EHBP1: variants seen among roughly 807,000 people sequenced by gnomAD.
EHBP1 encodes EH domain binding protein 1.
Under a neutral mutation model 144.0 loss-of-function variants are expected in EHBP1, and 55 were observed. That is an observed-to-expected ratio of 0.38 (90% CI 0.31 to 0.48). EHBP1 has a LOEUF of 0.48. Ranked by LOEUF, EHBP1 falls within the 20% of genes least tolerant of loss-of-function variation. EHBP1 has a pLI of 0.98. For missense variants in EHBP1, 1,200 were observed against 1,364.2 expected (o/e 0.88, Z 1.90); for synonymous variants, 469 against 472.7 (o/e 0.99, Z 0.10).
intron 19 of EHBP1, among the ~76,000 whole-genome samples, chr2:63,004,688 T>C (rs2059968911): frequency 6.6e-6 from 1 of 152,130 alleles, no homozygotes; most frequent in African/African-American, 2.4e-5. Flanking sequence ...AATTTGTAAT[T>C]TTAGCATACA....
chr2:62,792,346 A>G (rs1024259733), intron 5 of EHBP1, among the ~76,000 whole-genome samples: 1 of 152,034 alleles, frequency 6.6e-6, no homozygotes, highest in Admixed American at 6.6e-5. Context: ...CTTTTTAAAT[A>G]GCTGCTTCTT....
intron 2 of EHBP1, among the ~76,000 whole-genome samples, chr2:62,742,567 TG>T (rs754150994): frequency 6.6e-6 from 1 of 152,132 alleles, no homozygotes; most frequent in Non-Finnish European, 1.5e-5. Flanking sequence ...TGTTTGGGTC[TG>T]GCCAGCCCAT....
intron 2 of EHBP1, among the ~76,000 whole-genome samples, chr2:62,746,325 A>G (rs2039148459): frequency 6.6e-6 from 1 of 151,898 alleles, no homozygotes; most frequent in South Asian, 2.1e-4. Context: ...TCTAGATAGC[A>G]GTATAGGTTT....
chr2:62,707,315 A>G lies in EHBP1; in HGVS notation c.104+20A>G. ...GAAATGGTAAGATGTACCTGGAGGTAGATTTTGCTGTGCTGTGGCCTAAGC... is the reference window on the plus strand; with the variant it reads ...GAAATGGTAAGATGTACCTGGAGGTGGATTTTGCTGTGCTGTGGCCTAAGC... On this transcript the variant is annotated intron_variant, in intron 2 of 22. Coordinates refer to ENST00000431489, the MANE Select transcript of EHBP1 (RefSeq NM_001142616.3). 1 of 1,589,760 alleles carries G rather than the reference A, an allele frequency of 6.3e-7. No homozygotes were observed.
intron 5 of EHBP1, among the ~76,000 whole-genome samples, chr2:62,803,451 A>G (rs547858215): frequency 5.3e-5 from 8 of 152,322 alleles, no homozygotes; most frequent in Admixed American, 2.0e-4. Flanking sequence ...GCTAGCTATT[A>G]CCACATTTCT....
At chr2:62,800,949 C>A (rs2043934513) in intron 5 of EHBP1, among the ~76,000 whole-genome samples, 1 of 152,200 alleles carries the variant, frequency 6.6e-6, no homozygotes, top group Non-Finnish European at 1.5e-5. Context: ...AGAAGAAATG[C>A]TTCCAAACCA....
intron 10 of EHBP1, among the ~76,000 whole-genome samples, chr2:62,884,103 C>T (rs920674036): frequency 6.6e-6 from 1 of 152,134 alleles, no homozygotes; most frequent in Non-Finnish European, 1.5e-5. Flanking sequence ...ATGTATATGC[C>T]TATGCACATA....
intron 14 of EHBP1, among the ~76,000 whole-genome samples, chr2:62,977,279 AT>A (rs1170097198): frequency 6.6e-6 from 1 of 151,522 alleles, no homozygotes; most frequent in African/African-American, 2.4e-5. Flanking sequence ...CCTTTAAAGT[AT>A]CTCCTCAAAT....
chr2:62,839,180 G>T (rs1301700755), intron 7 of EHBP1, among the ~76,000 whole-genome samples: 3 of 151,604 alleles, frequency 2.0e-5, no homozygotes, highest in Non-Finnish European at 4.4e-5. Flanking sequence ...TGCAAGGCTG[G>T]TTCAATATAC....
intron 2 of EHBP1, among the ~76,000 whole-genome samples, chr2:62,733,110 C>T (rs1019334897): frequency 3.9e-5 from 6 of 152,136 alleles, no homozygotes; most frequent in African/African-American, 1.4e-4. Context: ...GATGCTTGTT[C>T]TGTCTCTTAA....
At chr2:63,005,090 A>G (rs2059985012) in intron 19 of EHBP1, among the ~76,000 whole-genome samples, 1 of 152,046 alleles carries the variant, frequency 6.6e-6, no homozygotes, top group Admixed American at 6.6e-5. Context: ...TTATTCTTCC[A>G]TTGTTCCTGA....
chr2:62,844,045 A>G (rs1157369401), intron 7 of EHBP1, among the ~76,000 whole-genome samples: 2 of 152,210 alleles, frequency 1.3e-5, no homozygotes, highest in Non-Finnish European at 2.9e-5. Context: ...TAAAAATTAT[A>G]TTGAATGTAT....
At chr2:62,763,562 A>G (rs1275715837) in intron 3 of EHBP1, among the ~76,000 whole-genome samples, 1 of 152,168 alleles carries the variant, frequency 6.6e-6, no homozygotes, top group Non-Finnish European at 1.5e-5. Flanking sequence ...TGTAGCCAAT[A>G]GAGGTGAAGA....
intron 7 of EHBP1, among the ~76,000 whole-genome samples, chr2:62,853,799 C>T (rs1009327523): frequency 3.9e-5 from 6 of 152,220 alleles, no homozygotes; most frequent in Non-Finnish European, 8.8e-5. Context: ...CATCACAGCT[C>T]TTGGGCGACC....
At chr2:62,905,511 T>TA (rs2053728457) in intron 10 of EHBP1, among the ~76,000 whole-genome samples, 1 of 152,038 alleles carries the variant, frequency 6.6e-6, no homozygotes, top group South Asian at 2.1e-4. Flanking sequence ...GGAAATGATA[T>TA]AATCAGGTAC....
chr2:62,810,929 G>T (rs2044949526), intron 5 of EHBP1, among the ~76,000 whole-genome samples: 1 of 152,148 alleles, frequency 6.6e-6, no homozygotes. Context: ...CTGGAGGTTA[G>T]GGTTGCTTTA....
intron 14 of EHBP1, among the ~76,000 whole-genome samples, chr2:62,968,723 G>T (rs936382452): frequency 2.0e-5 from 3 of 152,162 alleles, no homozygotes; most frequent in Non-Finnish European, 4.4e-5. Context: ...TGAGAAAGAT[G>T]TATTTGTACC....
intron 14 of EHBP1, among the ~76,000 whole-genome samples, chr2:62,969,286 C>A (rs1275318713): frequency 6.6e-6 from 1 of 152,000 alleles, no homozygotes; most frequent in Non-Finnish European, 1.5e-5. Flanking sequence ...AACTTTCTAT[C>A]CCAGAATGCT....
intron 8 of EHBP1, among the ~76,000 whole-genome samples, chr2:62,860,172 T>TTGG: frequency 6.6e-6 from 1 of 152,148 alleles, no homozygotes; most frequent in African/African-American, 2.4e-5. Flanking sequence ...GGGCTATATA[T>TTGG]TATGAACATA....
Sources: allele counts gnomAD v4.1 joint callset (sites outside exome capture counted in the v4.1 genomes callset), GRCh38; gene constraint gnomAD v4.1.1; transcripts MANE v1.5; gene names NCBI Gene and HGNC (gene_info 2026-07-23, HGNC 2026-07-21).